The following AGMO variants were observed in gnomAD, a reference collection of about 807,000 sequenced individuals.
The protein encoded by AGMO is alkylglycerol monooxygenase.
Under a neutral mutation model 60.2 loss-of-function variants are expected in AGMO, and 75 were observed. That is an observed-to-expected ratio of 1.25 (90% CI 1.03 to 1.51). The LOEUF is 1.51. Among genes scored for constraint, AGMO ranks in the 40% most tolerant of loss-of-function variants. The pLI is 0.00. For synonymous variants in AGMO, 261 were observed against 177.1 expected (o/e 1.47, Z -3.76); for missense variants, 763 against 525.5 (o/e 1.45, Z -4.42).
intron 12 of AGMO, among the ~76,000 whole-genome samples, chr7:15,355,097 T>A (rs2128556346): frequency 6.6e-6 from 1 of 152,150 alleles, no homozygotes; most frequent in East Asian, 1.9e-4. Flanking sequence ...AATTTTGATA[T>A]GATGTAGGGT....
intron 12 of AGMO, among the ~76,000 whole-genome samples, chr7:15,261,274 AAG>A (rs1190360201): frequency 6.6e-6 from 1 of 152,080 alleles, no homozygotes; most frequent in African/African-American, 2.4e-5. Context: ...ATTAACCAAA[AAG>A]AGAGACGATC....
chr7:15,395,063 G>A (rs1478726830), intron 5 of AGMO, among the ~76,000 whole-genome samples: 1 of 152,102 alleles, frequency 6.6e-6, no homozygotes, highest in Non-Finnish European at 1.5e-5. Flanking sequence ...TGGACAATTT[G>A]AGATCTTCCA....
intron 3 of AGMO, among the ~76,000 whole-genome samples, chr7:15,517,378 A>T (rs994444273): frequency 3.3e-5 from 5 of 151,120 alleles, no homozygotes; most frequent in African/African-American, 1.2e-4. Context: ...CCCGAGCAAG[A>T]TGGTCGAATA....
Position 15,503,680 on chromosome 7 carries a change from T to C in AGMO, c.409+41092A>G, listed in dbSNP as rs1239266738. On this transcript the variant is annotated intron_variant, in intron 3 of 12. Transcript: ENST00000342526. The stretch of plus-strand genomic sequence containing the variant: ...AACCATTTATTGATGTATTAACATA[T>C]TTCCAAGAATGGCGTAACACAAATA... Among the ~76,000 whole-genome samples the C allele has an allele frequency of 5.3e-5, 8 of 152,180 alleles. No homozygotes were observed. The East Asian group carries it at 1.5e-3, about 29-fold the overall frequency.
At chr7:15,361,173 G>C (rs34519644) in intron 12 of AGMO, among the ~76,000 whole-genome samples, 21,434 of 151,810 alleles carry the variant, frequency 0.14, 1,599 homozygotes, top group East Asian at 0.2. Context: ...CAGCACAATG[G>C]TGTCTTTGAC....
rs192965114 is a variant in AGMO at position 15,356,830 on chromosome 7, G to A, written c.1263+8684C>T. Among the ~76,000 whole-genome samples the A allele has an allele frequency of 1.1e-3, 172 of 151,646 alleles. 2 individuals are homozygous for A. In the South Asian group the frequency reaches 0.032, roughly 29 times the overall value. ...ACACTTTATAAAAATATTAGGGCCC[G>A]GTTGCAGTGGCTCAAGCCTGTAATC... is the stretch of plus-strand genomic sequence containing the variant. On this transcript the variant is annotated intron_variant, in intron 12 of 12. Transcript: ENST00000342526.
intron 10 of AGMO, among the ~76,000 whole-genome samples, chr7:15,374,585 C>A (rs1783370078): frequency 1.4e-5 from 2 of 145,070 alleles, no homozygotes; most frequent in Admixed American, 1.4e-4. Flanking sequence ...ACCCTCCTAC[C>A]TGGAAAAACA....
At chr7:15,383,319 C>T (rs1783769030) in intron 10 of AGMO, among the ~76,000 whole-genome samples, 1 of 152,034 alleles carries the variant, frequency 6.6e-6, no homozygotes, top group South Asian at 2.1e-4. Flanking sequence ...CATTATTTGC[C>T]CTCTTGGGTC....
Position 15,339,991 on chromosome 7 carries a change from G to A in AGMO, c.1263+25523C>T, listed in dbSNP as rs1166583513. Among the ~76,000 whole-genome samples, 6 of 152,144 alleles carry A rather than the reference G, an allele frequency of 3.9e-5. No homozygotes were observed. In the East Asian group the frequency reaches 5.8e-4, roughly 15 times the overall value. ...GACTGTGACTGAGGCATAGATGGAA[G>A]GAGCATAGCACAGATACAAGTACAA... On this transcript the variant is annotated intron_variant, in intron 12 of 12. Coordinates refer to ENST00000342526, the MANE Select transcript of AGMO (RefSeq NM_001004320.2).
intron 4 of AGMO, among the ~76,000 whole-genome samples, chr7:15,430,589 T>C (rs190972685): frequency 0.013 from 1,290 of 98,986 alleles, 8 homozygotes; most frequent in Non-Finnish European, 0.022. Context: ...TTTTAGAGAA[T>C]TAGTTGTTTT....
At chr7:15,281,543 G>A (rs1362876945) in intron 12 of AGMO, among the ~76,000 whole-genome samples, 1 of 152,112 alleles carries the variant, frequency 6.6e-6, no homozygotes, top group Admixed American at 6.5e-5. Flanking sequence ...TCTGGGTCAG[G>A]AGTGTGTCTA....
intron 12 of AGMO, among the ~76,000 whole-genome samples, chr7:15,316,408 C>T (rs1393136864): frequency 6.6e-6 from 1 of 152,140 alleles, no homozygotes; most frequent in African/African-American, 2.4e-5. Flanking sequence ...ACTGGGGGCC[C>T]ACTTGAGGGC....
At chr7:15,139,312 A>G in the AGMO span, among the ~76,000 whole-genome samples, 1 of 152,198 alleles carries the variant, frequency 6.6e-6, no homozygotes, top group Admixed American at 6.5e-5. Context: ...CTGCTTATAT[A>G]GTATTCTCCT....
At chr7:15,332,685 G>A (rs1405512816) in intron 12 of AGMO, among the ~76,000 whole-genome samples, 1 of 152,042 alleles carries the variant, frequency 6.6e-6, no homozygotes, top group Non-Finnish European at 1.5e-5. Context: ...AGTAAATGAA[G>A]CGAGAGACCC....
intron 10 of AGMO, among the ~76,000 whole-genome samples, chr7:15,373,148 C>G (rs914606520): frequency 6.6e-6 from 1 of 151,964 alleles, no homozygotes; most frequent in Non-Finnish European, 1.5e-5. Flanking sequence ...GGTGGCGGTA[C>G]TTGCCTTTAA....
chr7:15,380,275 C>A (rs10245950), intron 10 of AGMO, among the ~76,000 whole-genome samples: 2 of 151,836 alleles, frequency 1.3e-5, no homozygotes, highest in African/African-American at 4.8e-5. Flanking sequence ...TGGTGTCAAC[C>A]CAAAAGCTTC....
intron 2 of AGMO, among the ~76,000 whole-genome samples, chr7:15,550,918 A>G (rs1172579723): frequency 2.9e-5 from 4 of 138,290 alleles, no homozygotes; most frequent in Non-Finnish European, 6.2e-5. Flanking sequence ...AAAATCCTCA[A>G]TAAAATACTG....
chr7:15,205,336 C>T (rs1386941471), intron 12 of AGMO, among the ~76,000 whole-genome samples: 1 of 151,998 alleles, frequency 6.6e-6, no homozygotes, highest in African/African-American at 2.4e-5. Flanking sequence ...TTCAGATAAG[C>T]TTACAAATAA....
At chr7:15,183,902 A>G in the AGMO span, among the ~76,000 whole-genome samples, 1 of 152,228 alleles carries the variant, frequency 6.6e-6, no homozygotes, top group East Asian at 1.9e-4. Context: ...GGTTTGTTAA[A>G]CACATAAAAT....
Sources: gnomAD v4.1 joint callset for allele counts (sites outside exome capture counted in the v4.1 genomes callset) on GRCh38, gnomAD v4.1.1 for gene constraint, MANE v1.5 for transcripts, NCBI Gene and HGNC (gene_info 2026-07-23, HGNC 2026-07-21) for gene names.